ZNF185: variants seen among roughly 807,000 people sequenced by gnomAD.
ZNF185 encodes zinc finger protein 185.
ZNF185 carries 56 observed loss-of-function variants against 58.6 expected under a neutral mutation model. The ratio of observed to expected loss-of-function variants is 0.95; its 90% CI spans 0.77 to 1.19. The LOEUF (loss-of-function observed/expected upper bound fraction) is 1.19. Among genes scored for constraint, ZNF185 ranks in the 50% most tolerant of loss-of-function variants. The probability of loss-of-function intolerance (pLI) is 0.00; values close to 1 mark genes in which losing one functional copy is unlikely to be tolerated. For missense variants in ZNF185, 627 were observed against 573.5 expected, an observed-to-expected ratio of 1.09 and a Z score of -0.95; for synonymous variants, 230 against 215.9, an observed-to-expected ratio of 1.07 and a Z score of -0.57.
At chrX:152,912,061 G>A (rs1482195924), upstream of ZNF185, among the ~76,000 whole-genome samples, 1 of 77,165 alleles carries the variant, frequency 1.3e-5, no homozygotes, top group Non-Finnish European at 2.3e-5. Context: ...TCACTTTAAA[G>A]GCTCCTTGTC....
the ZNF185 span, among the ~76,000 whole-genome samples, chrX:152,900,818 G>A: frequency 8.9e-6 from 1 of 112,407 alleles, no homozygotes; most frequent in Non-Finnish European, 1.9e-5. Flanking sequence ...GTCAGCCTGG[G>A]TTCAAACCCC....
At chrX:152,957,360 T>C (rs1217563414) in intron 16 of ZNF185, among the ~76,000 whole-genome samples, 1 of 110,808 alleles carries the variant, frequency 9.0e-6, no homozygotes, top group Non-Finnish European at 1.9e-5. Flanking sequence ...GACAAGGTCA[T>C]GCAGATATTA....
At chrX:152,923,653 C>T (rs144858861) in intron 11 of ZNF185, among the ~76,000 whole-genome samples, 182 of 112,349 alleles carry the variant, frequency 1.6e-3, no homozygotes, top group African/African-American at 5.8e-3. Context: ...GAAACTGTTC[C>T]ACCTTAGATC....
intron 8 of ZNF185, 45 bp from the exon 10 acceptor site, chrX:152,920,662 C>G: frequency 8.3e-7 from 1 of 1,208,784 alleles, no homozygotes; most frequent in Non-Finnish European, 1.1e-6. Context: ...ATGTCACCTG[C>G]CCACGGGCTC....
chrX:152,925,629 G>A (rs782791515), intron 11 of ZNF185, among the ~76,000 whole-genome samples: 7 of 111,434 alleles, frequency 6.3e-5, no homozygotes, highest in African/African-American at 2.3e-4. Flanking sequence ...CCTGACCCTG[G>A]AGGGCCGTCT....
the ZNF185 span, among the ~76,000 whole-genome samples, chrX:152,907,222 G>A: frequency 8.9e-6 from 1 of 112,059 alleles, no homozygotes; most frequent in East Asian, 2.8e-4. Context: ...TGCCGCCCCC[G>A]CTCCTCCAGC....
chrX:152,946,239 T>C, intron 16 of ZNF185, among the ~76,000 whole-genome samples: 1 of 111,986 alleles, frequency 8.9e-6, no homozygotes, highest in Non-Finnish European at 1.9e-5. Flanking sequence ...AGAGAGGAGC[T>C]AGTGGAATCC....
the ZNF185 span, among the ~76,000 whole-genome samples, chrX:152,907,510 C>T: frequency 0.27 from 30,872 of 112,473 alleles, 3,544 homozygotes; most frequent in East Asian, 0.41. Context: ...TCATCTCCCC[C>T]GCCCAGCCCT....
intron 17 of ZNF185, among the ~76,000 whole-genome samples, chrX:152,962,166 G>T (rs2049566370): frequency 9.0e-6 from 1 of 111,368 alleles, no homozygotes; most frequent in Non-Finnish European, 1.9e-5. Flanking sequence ...GTGCTTGGAG[G>T]GTACGGGGTG....
At chrX:152,946,772 C>A (rs2047829087) in intron 16 of ZNF185, among the ~76,000 whole-genome samples, 1 of 111,803 alleles carries the variant, frequency 8.9e-6, no homozygotes, top group Admixed American at 9.5e-5. Flanking sequence ...GTATAGGGAA[C>A]ATCCAGTCAG....
intron 8 of ZNF185, 108 bp from the exon 10 acceptor site, chrX:152,920,599 T>A: frequency 9.4e-7 from 1 of 1,064,283 alleles, no homozygotes; most frequent in Non-Finnish European, 1.3e-6. Context: ...CCAGGGACAG[T>A]GAAGTGCCGG....
chrX:152,941,467 G>A (rs1001692946), intron 15 of ZNF185, among the ~76,000 whole-genome samples: 4 of 112,839 alleles, frequency 3.5e-5, no homozygotes, highest in Non-Finnish European at 5.6e-5. Context: ...AGCAGGGACG[G>A]AAAAGAAAAA....
chrX:152,935,483 G>T (rs184054880), intron 14 of ZNF185, among the ~76,000 whole-genome samples: 4 of 109,380 alleles, frequency 3.7e-5, no homozygotes. Flanking sequence ...TGATCCACCC[G>T]CCTCAGCCTC....
chrX:152,938,779 G>A (rs1556885317), intron 15 of ZNF185, among the ~76,000 whole-genome samples: 1 of 109,953 alleles, frequency 9.1e-6, no homozygotes, highest in Non-Finnish European at 1.9e-5. Flanking sequence ...AAAGCCTGGA[G>A]CCTAGGTCTC....
chrX:152,938,230 T>G, intron 15 of ZNF185, 67 bp downstream of exon 17: 1 of 1,065,236 alleles, frequency 9.4e-7, no homozygotes, highest in Non-Finnish European at 1.3e-6. Flanking sequence ...GTGTGTCCAT[T>G]GGCCTTTGGC....
At chrX:152,937,716 C>G (rs1426858905) in intron 14 of ZNF185, among the ~76,000 whole-genome samples, 13 of 112,324 alleles carry the variant, frequency 1.2e-4, no homozygotes, top group African/African-American at 4.2e-4. Flanking sequence ...ACCTGTGCAC[C>G]AGACTCATTG....
chrX:152,907,336 C>T, the ZNF185 span, among the ~76,000 whole-genome samples: 1 of 113,051 alleles, frequency 8.8e-6, no homozygotes, highest in Non-Finnish European at 1.9e-5. Context: ...CTCTGTTCAG[C>T]CACCTCATTG....
intron 7 of ZNF185, among the ~76,000 whole-genome samples, chrX:152,919,888 G>T (rs1939354028): frequency 8.9e-6 from 1 of 112,808 alleles, no homozygotes; most frequent in Non-Finnish European, 1.9e-5. Flanking sequence ...CAGTGGCAGG[G>T]GCCCCCAGGC....
At chrX:152,948,662 A>G (rs1034802870) in intron 16 of ZNF185, among the ~76,000 whole-genome samples, 1 of 111,717 alleles carries the variant, frequency 9.0e-6, no homozygotes, top group Admixed American at 9.5e-5. Context: ...TCTTTTCACT[A>G]TAATAAACCA....
Sources: gnomAD v4.1 joint callset for allele counts (sites outside exome capture counted in the v4.1 genomes callset) on GRCh38, gnomAD v4.1.1 for gene constraint, MANE v1.5 for transcripts, NCBI Gene and HGNC (gene_info 2026-07-23, HGNC 2026-07-21) for gene names.